ELF1: variants seen among roughly 807,000 people sequenced by gnomAD.
The protein encoded by ELF1 is E74 like ETS transcription factor 1.
In ELF1, 24 loss-of-function variants were observed where a neutral mutation model predicts 59.9. That is an observed-to-expected ratio of 0.40 (90% CI 0.29 to 0.56). The LOEUF is 0.56. Ranked by LOEUF, ELF1 falls within the 20% of genes least tolerant of loss-of-function variation. The pLI, the probability that ELF1 is intolerant of heterozygous loss-of-function variation, is 0.44. For synonymous variants in ELF1, 248 were observed against 266.2 expected, an observed-to-expected ratio of 0.93 and a Z score of 0.67; for missense variants, 627 against 742.2, an observed-to-expected ratio of 0.84 and a Z score of 1.80.
At chr13:40,997,367 T>C (rs1216085695) in intron 1 of ELF1, among the ~76,000 whole-genome samples, 1 of 151,980 alleles carries the variant, frequency 6.6e-6, no homozygotes. Context: ...AAGCGATTCT[T>C]CTGCCTCTGC....
chr13:41,056,447 A>C (rs954156611), intron 1 of ELF1, among the ~76,000 whole-genome samples: 1 of 152,212 alleles, frequency 6.6e-6, no homozygotes, highest in African/African-American at 2.4e-5. Flanking sequence ...ACATTTGTAT[A>C]CAAGGTTTGG....
At chr13:41,051,547 AACAC>A (rs545249919) in intron 1 of ELF1, among the ~76,000 whole-genome samples, 2 of 151,818 alleles carry the variant, frequency 1.3e-5, no homozygotes, top group African/African-American at 4.8e-5. Context: ...GAAAATGAAA[AACAC>A]ACACACACAC....
intron 2 of ELF1, among the ~76,000 whole-genome samples, chr13:40,965,971 A>G (rs1306148836): frequency 6.6e-6 from 1 of 152,234 alleles, no homozygotes; most frequent in Non-Finnish European, 1.5e-5. Context: ...TCCAGGCTTC[A>G]GGACCACCGC....
chr13:41,037,823 G>A (rs1179793487), intron 1 of ELF1, among the ~76,000 whole-genome samples: 1 of 151,460 alleles, frequency 6.6e-6, no homozygotes, highest in Non-Finnish European at 1.5e-5. Flanking sequence ...AAAGAAAAAA[G>A]AAATTAGTTT....
intron 8 of ELF1, among the ~76,000 whole-genome samples, chr13:40,935,515 G>A (rs1395637540): frequency 6.6e-6 from 1 of 152,144 alleles, no homozygotes; most frequent in African/African-American, 2.4e-5. Context: ...TTCAAAAGAA[G>A]TGGGAATAAA....
At chr13:41,023,634 A>G (rs1486116811), upstream of ELF1, among the ~76,000 whole-genome samples, 1 of 152,256 alleles carries the variant, frequency 6.6e-6, no homozygotes, top group African/African-American at 2.4e-5. Flanking sequence ...TCTATGCTCT[A>G]TCACTAGCTT....
Position 41,038,711 on chromosome 13 carries a change from C to G in ELF1, c.-229+22127G>C, listed in dbSNP as rs147122601. On this transcript the variant is annotated intron_variant, in intron 1 of 1. Coordinates refer to the ELF1 transcript ENST00000405737. ...TAAAATATGGATAAACATTTATACA[C>G]TAATTGATAAAGAATGACTTTCTGG... is the stretch of plus-strand genomic sequence containing the variant. Among the ~76,000 whole-genome samples, 4 of 152,198 alleles carry G rather than the reference C, an allele frequency of 2.6e-5. No homozygotes were observed. In the East Asian group the frequency reaches 7.7e-4, roughly 29 times the overall value.
chr13:41,000,899 A>G (rs1449234692), intron 1 of ELF1, among the ~76,000 whole-genome samples: 1 of 152,226 alleles, frequency 6.6e-6, no homozygotes, highest in Non-Finnish European at 1.5e-5. Context: ...ATAATTAGAT[A>G]CAACGCAAAG....
At chr13:41,001,415 C>A (rs1315595457) in intron 1 of ELF1, among the ~76,000 whole-genome samples, 1 of 152,078 alleles carries the variant, frequency 6.6e-6, no homozygotes, top group Admixed American at 6.6e-5. Context: ...TAGCAAGACT[C>A]CATCTATCTT....
chr13:41,009,444 T>C (rs980565093), intron 1 of ELF1, among the ~76,000 whole-genome samples: 2 of 152,178 alleles, frequency 1.3e-5, no homozygotes. Flanking sequence ...GATATCATAA[T>C]GCCAACTGCC....
chr13:40,995,351 A>G (rs1593385279), intron 1 of ELF1, among the ~76,000 whole-genome samples: 1 of 152,356 alleles, frequency 6.6e-6, no homozygotes, highest in East Asian at 1.9e-4. Context: ...CAAGGCTAAA[A>G]TAGCTCCTCA....
rs963469854 is a variant in ELF1, at chr13:41,019,261, T to C, written c.-262A>G. ...ATTCTTTCTCTATCGTCTTTTGAGC[T>C]TGAAAATAAAAAGCAATCCGACAAG... On this transcript the variant is annotated 5_prime_UTR_variant, in exon 1 of 9. Coordinates refer to ENST00000239882, the MANE Select transcript of ELF1 (RefSeq NM_172373.4). 10 of 985,304 alleles carry C rather than the reference T, an allele frequency of 1.0e-5. No individual in the cohort carries two copies. In the African/African-American group the frequency reaches 1.7e-4, roughly 17 times the overall value. 61.0% of individuals were successfully genotyped at this position (985,304 alleles called of 1,614,324 possible).
At chr13:41,035,956 G>A (rs1364026632) in intron 1 of ELF1, among the ~76,000 whole-genome samples, 2 of 149,720 alleles carry the variant, frequency 1.3e-5, no homozygotes, top group Non-Finnish European at 3.0e-5. Flanking sequence ...CTGAAGTACA[G>A]TGCAGTGGCG....
At chr13:40,982,365 T>A (rs1873322996) in intron 1 of ELF1, 83 bp from the exon 2 acceptor site, 2 of 939,672 alleles carry the variant, frequency 2.1e-6, no homozygotes, top group South Asian at 9.6e-5. Flanking sequence ...GCAGTATCGC[T>A]AAAGCATTTT....
In ELF1 at chr13:40,958,831, C is replaced by G; in HGVS notation, c.253+5G>C. On this transcript the variant is annotated splice_donor_5th_base_variant and intron_variant, in intron 3 of 8. Transcript: ENST00000239882. The stretch of plus-strand genomic sequence containing the variant: ...CAAGGTCCTACTGGATGGAGACACA[C>G]GCACCTGTAAGGGTGATGTCATCAT... 3 of 1,604,008 alleles carry G rather than the reference C, an allele frequency of 1.9e-6. No homozygotes were observed. Among genetic ancestry groups the G allele is most frequent in the East Asian group, 2.2e-5 (1 of 44,872 alleles).
intron 5 of ELF1, among the ~76,000 whole-genome samples, chr13:40,947,457 A>C (rs1386283502): frequency 6.6e-6 from 1 of 152,214 alleles, no homozygotes; most frequent in Non-Finnish European, 1.5e-5. Context: ...CAGGAGAATC[A>C]CCTGAACCCA....
intron 3 of ELF1, among the ~76,000 whole-genome samples, chr13:40,955,486 C>T (rs551107396): frequency 5.1e-5 from 6 of 118,806 alleles, no homozygotes; most frequent in Non-Finnish European, 9.3e-5. Context: ...TCTGCCCGGC[C>T]GCCCCTACTG....
At chr13:40,984,026 G>A (rs952023310) in intron 1 of ELF1, among the ~76,000 whole-genome samples, 7 of 152,218 alleles carry the variant, frequency 4.6e-5, no homozygotes, top group East Asian at 1.9e-4. Context: ...ATTACTGCCC[G>A]TACAACCAAT....
chr13:41,002,707 AGGG>A (rs1231789847), intron 1 of ELF1, among the ~76,000 whole-genome samples: 1 of 152,118 alleles, frequency 6.6e-6, no homozygotes, highest in Non-Finnish European at 1.5e-5. Flanking sequence ...CTTGTGGGTA[AGGG>A]AGAAGGGTAG....
Sources: gnomAD v4.1 joint callset for allele counts (sites outside exome capture counted in the v4.1 genomes callset) on GRCh38, gnomAD v4.1.1 for gene constraint, MANE v1.5 for transcripts, NCBI Gene and HGNC (gene_info 2026-07-23, HGNC 2026-07-21) for gene names.